The following DYNC2I2 variants were observed in gnomAD, a reference collection of about 807,000 sequenced individuals.
The protein encoded by DYNC2I2 is cytoplasmic dynein 2 intermediate chain 2.
A neutral mutation model predicts 52.0 loss-of-function variants in DYNC2I2; 39 were observed. The observed-to-expected ratio is 0.75, with a 90% confidence interval of 0.58 to 0.98. The LOEUF is 0.98. DYNC2I2 is among the 50% of genes least tolerant of loss of function. The probability of loss-of-function intolerance (pLI) is 0.00; values close to 1 mark genes in which losing one functional copy is unlikely to be tolerated. For synonymous variants in DYNC2I2, 359 were observed against 321.1 expected, an observed-to-expected ratio of 1.12 and a Z score of -1.26; for missense variants, 743 against 728.4, an observed-to-expected ratio of 1.02 and a Z score of -0.23.
chr9:128,634,221 C>G lies in DYNC2I2; in HGVS notation c.1372+5G>C. The G allele has an allele frequency of 6.2e-7, 1 of 1,613,576 alleles. No homozygotes were observed. The highest frequency in any genetic ancestry group is 8.5e-7 in the Non-Finnish European group (1 of 1,179,964). ...ACAGATCCAGGCCTAGCGGCCCCTT[C>G]CTACCTTTCCCAGAGGCAGCTGCAA... On this transcript the variant is annotated splice_donor_5th_base_variant and intron_variant, in intron 8 of 8. Transcript: ENST00000372715.
At chr9:128,646,869 G>A (rs1295214269) in intron 1 of DYNC2I2, among the ~76,000 whole-genome samples, 1 of 152,244 alleles carries the variant, frequency 6.6e-6, no homozygotes, top group African/African-American at 2.4e-5. Context: ...GCTCACGCCT[G>A]TAATCCCAGC....
At chr9:128,683,365 A>G in the DYNC2I2 span, 1 of 201,940 alleles carries the variant, frequency 5.0e-6, no homozygotes, top group Non-Finnish European at 1.0e-5. Context: ...TATCCCTTCA[A>G]GCAGAGACAA....
upstream of DYNC2I2, among the ~76,000 whole-genome samples, chr9:128,657,487 G>A (rs1487163771): frequency 1.3e-5 from 2 of 151,842 alleles, no homozygotes; most frequent in Admixed American, 1.3e-4. Flanking sequence ...TCTGACCTGA[G>A]GACTAAAAAA....
At chr9:128,670,199 G>GAGT in the DYNC2I2 span, among the ~76,000 whole-genome samples, 1 of 152,134 alleles carries the variant, frequency 6.6e-6, no homozygotes, top group Non-Finnish European at 1.5e-5. Context: ...CCAGCACTTT[G>GAGT]GGAGCCCAAG....
At chr9:128,671,697 G>C in the DYNC2I2 span, among the ~76,000 whole-genome samples, 1 of 151,616 alleles carries the variant, frequency 6.6e-6, no homozygotes, top group Non-Finnish European at 1.5e-5. Context: ...TGTCGCCCAG[G>C]CTGGAGTGCA....
intron 2 of DYNC2I2, among the ~76,000 whole-genome samples, chr9:128,640,244 T>C (rs1199467361): frequency 6.8e-6 from 1 of 147,586 alleles, no homozygotes; most frequent in African/African-American, 2.5e-5. Context: ...TCTCCTGACA[T>C]TGTGATCCGC....
the DYNC2I2 span, among the ~76,000 whole-genome samples, chr9:128,664,053 G>C: frequency 6.7e-6 from 1 of 149,542 alleles, no homozygotes; most frequent in South Asian, 2.1e-4. Flanking sequence ...CACCTCCCCG[G>C]TACAAGCGAT....
chr9:128,657,266 G>GAGGCCCAAATGAGGTCTTC (rs1435229803), upstream of DYNC2I2, among the ~76,000 whole-genome samples: 1 of 152,150 alleles, frequency 6.6e-6, no homozygotes, highest in Non-Finnish European at 1.5e-5. Context: ...AAAAAGCTGG[G>GAGGCCCAAATGAGGTCTTC]AGGCCCAAAT....
chr9:128,656,451 G>A (rs374757057), intron 1 of DYNC2I2, 90 bp downstream of exon 1: 4 of 1,096,862 alleles, frequency 3.6e-6, no homozygotes, highest in East Asian at 7.5e-5. Context: ...CCGCCCGGCA[G>A]CCACGGTGGG....
chr9:128,642,297 A>C (rs1431556116), intron 1 of DYNC2I2, among the ~76,000 whole-genome samples: 1 of 150,024 alleles, frequency 6.7e-6, no homozygotes, highest in East Asian at 2.0e-4. Flanking sequence ...AAAAAAAAAA[A>C]AAAAAAAAAT....
At chr9:128,682,426 T>C in the DYNC2I2 span, among the ~76,000 whole-genome samples, 11 of 152,126 alleles carry the variant, frequency 7.2e-5, no homozygotes, top group South Asian at 8.3e-4. Context: ...CCTGTAATAC[T>C]AGCACTTTGG....
chr9:128,659,408 T>C (rs1335832721), upstream of DYNC2I2, among the ~76,000 whole-genome samples: 2 of 148,560 alleles, frequency 1.3e-5, no homozygotes, highest in East Asian at 4.0e-4. Flanking sequence ...GCCAGGAGAA[T>C]GGCATGAACC....
intron 2 of DYNC2I2, among the ~76,000 whole-genome samples, 166 bp from the exon 3 acceptor site, chr9:128,637,193 C>G (rs956837178): frequency 6.6e-6 from 1 of 152,234 alleles, no homozygotes; most frequent in Non-Finnish European, 1.5e-5. Flanking sequence ...TCTGCCCCAG[C>G]AGAATGCTTC....
At chr9:128,683,788 G>C in the DYNC2I2 span, 1 of 890,482 alleles carries the variant, frequency 1.1e-6, no homozygotes, top group South Asian at 1.7e-5. Context: ...AGGCAGGGCG[G>C]CTCCAGTGCA....
In DYNC2I2 at chr9:128,656,664, C is replaced by T; in HGVS notation, c.63G>A (p.Leu21=). The T allele has an allele frequency of 2.6e-6, 4 of 1,512,440 alleles. No homozygotes were observed. The highest frequency in any genetic ancestry group is 2.2e-5 in the Admixed American group (1 of 44,908). 93.7% of individuals were successfully genotyped at this position (1,512,440 alleles called of 1,614,324 possible). ...GGCCGCTCGCAACCCCGACTGTCGC[C>T]AGCGCCGCAACACCAGCGCTTCCCG... The part of the protein sequence containing the change: ...SQAGSAGVAA[L]ATVGVASGPG... Residue 21 remains leucine, a synonymous_variant, in exon 1 of 9, where the codon CTG becomes CTA. Transcript: ENST00000372715.
chr9:128,649,253 G>A (rs1050635691), intron 1 of DYNC2I2, among the ~76,000 whole-genome samples: 1 of 151,958 alleles, frequency 6.6e-6, no homozygotes, highest in African/African-American at 2.4e-5. Flanking sequence ...AATACCAGCT[G>A]GGCAACAAAG....
chr9:128,659,449 C>T (rs1406011188), upstream of DYNC2I2, among the ~76,000 whole-genome samples: 9 of 147,908 alleles, frequency 6.1e-5, no homozygotes, highest in East Asian at 1.6e-3. Context: ...GAGCAGAGAT[C>T]GCACCACTGC....
At position 128,642,586 on chromosome 9, in the gene DYNC2I2, C is replaced by T. The variant is rs1039991203; in HGVS notation, c.187-1647G>A. 2.4e-4 allele frequency among the ~76,000 whole-genome samples: 37 copies of T among 151,518 alleles called. No homozygotes were observed. In the South Asian group the frequency reaches 5.4e-3, roughly 22 times the overall value. On this transcript the variant is annotated intron_variant, in intron 1 of 8. Coordinates refer to ENST00000372715, the MANE Select transcript of DYNC2I2 (RefSeq NM_052844.4). ...GAGATCGAGACCATCCTGGCTAATA[C>T]GGTGAAACCCCGTCTCTACTAAAAA...
the DYNC2I2 span, chr9:128,683,717 G>A: frequency 3.8e-6 from 2 of 521,296 alleles, no homozygotes; most frequent in African/African-American, 2.0e-5. Context: ...GAGGGTGGGT[G>A]GGATGAGGCT....
Sources: gnomAD v4.1 joint callset for allele counts (sites outside exome capture counted in the v4.1 genomes callset) on GRCh38, gnomAD v4.1.1 for gene constraint, MANE v1.5 for transcripts, NCBI Gene and HGNC (gene_info 2026-07-23, HGNC 2026-07-21) for gene names.